Variants in POU6F2 observed in about 807,000 individuals in gnomAD.
POU6F2 encodes the protein POU domain, class 6, transcription factor 2.
In POU6F2, 31 loss-of-function variants were observed where a neutral mutation model predicts 71.3. The ratio of observed to expected loss-of-function variants is 0.43; its 90% CI spans 0.33 to 0.59. The LOEUF (loss-of-function observed/expected upper bound fraction) is 0.59, where lower values mean the gene tolerates loss of function less well. Among genes scored for constraint, POU6F2 ranks in the 20% least tolerant of loss-of-function variants. The pLI, the probability that POU6F2 is intolerant of heterozygous loss-of-function variation, is 0.04. For missense variants in POU6F2, 783 were observed against 856.8 expected, an observed-to-expected ratio of 0.91 and a Z score of 1.07; for synonymous variants, 347 against 355.7, an observed-to-expected ratio of 0.98 and a Z score of 0.27.
At chr7:39,282,375 G>A (rs543628941) in intron 4 of POU6F2, among the ~76,000 whole-genome samples, 4 of 152,186 alleles carry the variant, frequency 2.6e-5, no homozygotes, top group African/African-American at 9.6e-5. Context: ...CTAGACCAGT[G>A]TCATGAATCA....
chr7:39,206,675 T>C (rs943152449), intron 3 of POU6F2, among the ~76,000 whole-genome samples: 1 of 152,254 alleles, frequency 6.6e-6, no homozygotes, highest in African/African-American at 2.4e-5. Flanking sequence ...TTTTAATGAC[T>C]ATGCAATATT....
chr7:39,432,642 G>C (rs894047140), intron 6 of POU6F2, among the ~76,000 whole-genome samples: 1 of 152,008 alleles, frequency 6.6e-6, no homozygotes, highest in African/African-American at 2.4e-5. Context: ...GCAGAGGAAA[G>C]AATGTCAAAG....
rs572311428 is a variant in POU6F2, at chr7:39,075,912, C to T, written c.106-9948C>T. On this transcript the variant is annotated intron_variant, in intron 1 of 9. Coordinates refer to ENST00000518318, the MANE Select transcript of POU6F2 (RefSeq NM_001370959.1). ...TGGGGGAAAATGAGACTTTCCTTTTCCTTTCCAGTGTAGCTATGACATTCT... is the reference window on the plus strand; with the variant it reads ...TGGGGGAAAATGAGACTTTCCTTTTTCTTTCCAGTGTAGCTATGACATTCT... Among the ~76,000 whole-genome samples the T allele has an allele frequency of 4.3e-4, 65 of 152,326 alleles. 1 individual carries two copies. Among genetic ancestry groups the T allele is most frequent in the Middle Eastern group, 6.8e-3 (2 of 294 alleles).
In POU6F2 at chr7:39,422,903, C is replaced by G. The variant is rs114838106; in HGVS notation, c.1114-10174C>G. Among the ~76,000 whole-genome samples, 615 of 152,276 alleles carry G rather than the reference C, an allele frequency of 4.0e-3. 7 individuals are homozygous for G. The highest frequency in any genetic ancestry group is 0.014 in the African/African-American group (581 of 41,536). On this transcript the variant is annotated intron_variant, in intron 6 of 9. Transcript: ENST00000518318. ...AATAGACAGATATTTCTCGGACTCT[C>G]AAGATCTAGAAAACTGCCTGACAGT...
chr7:39,358,840 G>A (rs1236200080), intron 5 of POU6F2, among the ~76,000 whole-genome samples: 1 of 140,872 alleles, frequency 7.1e-6, no homozygotes, highest in Non-Finnish European at 1.5e-5. Context: ...CCTGAGAATA[G>A]GACAAAAGAA....
intron 1 of POU6F2, among the ~76,000 whole-genome samples, chr7:39,053,448 T>G (rs1205966303): frequency 6.6e-6 from 1 of 152,110 alleles, no homozygotes; most frequent in East Asian, 1.9e-4. Context: ...ACTTTTCTCT[T>G]TTTTCATACA....
At position 39,019,588 on chromosome 7, in the gene POU6F2, G is replaced by A. The variant is rs376193199; in HGVS notation, c.105+41530G>A. Among the ~76,000 whole-genome samples, 91 of 151,486 alleles carry A rather than the reference G, an allele frequency of 6.0e-4. 2 individuals carry two copies. The South Asian group carries it at 0.018, about 30-fold the overall frequency. On this transcript the variant is annotated intron_variant, in intron 1 of 9. Coordinates refer to ENST00000518318, the MANE Select transcript of POU6F2 (RefSeq NM_001370959.1). ...CTACCTCTTTCTAGAGCTACTAGGA[G>A]ACAGATGTTGGCCTTCCTGGATTGA...
chr7:39,268,861 T>C (rs543172355), intron 4 of POU6F2, among the ~76,000 whole-genome samples: 2 of 152,330 alleles, frequency 1.3e-5, no homozygotes, highest in Admixed American at 1.3e-4. Flanking sequence ...CTGAGAGTTT[T>C]CACCACTTTA....
At chr7:39,199,499 A>T (rs60193438) in intron 2 of POU6F2, among the ~76,000 whole-genome samples, 44,134 of 142,868 alleles carry the variant, frequency 0.31, 6,844 homozygotes, top group East Asian at 0.72. Flanking sequence ...ATTTTTTTTT[A>T]AAAGAATTGG....
intron 4 of POU6F2, among the ~76,000 whole-genome samples, chr7:39,239,274 T>C (rs1461008377): frequency 1.3e-5 from 2 of 152,118 alleles, no homozygotes. Flanking sequence ...GTTTCCTCAA[T>C]GTAGAATGGC....
At chr7:39,105,570 T>A (rs1316650167) in intron 2 of POU6F2, among the ~76,000 whole-genome samples, 1 of 152,172 alleles carries the variant, frequency 6.6e-6, no homozygotes, top group Non-Finnish European at 1.5e-5. Flanking sequence ...ATAAGTATTC[T>A]TGGTGCTTTA....
intron 4 of POU6F2, among the ~76,000 whole-genome samples, chr7:39,269,836 A>G (rs1383245554): frequency 2.0e-5 from 3 of 152,150 alleles, no homozygotes; most frequent in African/African-American, 7.2e-5. Flanking sequence ...CATGGGCCAT[A>G]TTGACTGTAT....
chr7:39,411,309 G>C lies in POU6F2; in HGVS notation c.1113+4569G>C, dbSNP rs1001574419. Among the ~76,000 whole-genome samples, 5 of 152,232 alleles carry C rather than the reference G, an allele frequency of 3.3e-5. No homozygotes were observed. The East Asian group carries it at 7.7e-4, about 23-fold the overall frequency. ...TTTACTATCGATTTGTTCAGCTATAGAATTGGCTTCCCTGGTGCCCCTGGC... is the reference window on the plus strand; with the variant it reads ...TTTACTATCGATTTGTTCAGCTATACAATTGGCTTCCCTGGTGCCCCTGGC... On this transcript the variant is annotated intron_variant, in intron 6 of 9. Coordinates refer to ENST00000518318, the MANE Select transcript of POU6F2 (RefSeq NM_001370959.1).
intron 9 of POU6F2, among the ~76,000 whole-genome samples, chr7:39,461,753 G>A (rs1263596191): frequency 1.3e-5 from 2 of 152,114 alleles, no homozygotes; most frequent in Non-Finnish European, 2.9e-5. Context: ...AATACAAAAA[G>A]CACCATAGGA....
intron 4 of POU6F2, among the ~76,000 whole-genome samples, chr7:39,251,899 A>G (rs1341525069): frequency 6.6e-6 from 1 of 152,102 alleles, no homozygotes; most frequent in Non-Finnish European, 1.5e-5. Flanking sequence ...CCTACCCTGA[A>G]GTTTGATCAT....
At chr7:39,309,884 T>A (rs1035412364) in intron 4 of POU6F2, among the ~76,000 whole-genome samples, 6 of 152,208 alleles carry the variant, frequency 3.9e-5, no homozygotes, top group African/African-American at 1.4e-4. Context: ...TGCACATATA[T>A]GTGTCATTTT....
chr7:39,248,513 C>T (rs992926720), intron 4 of POU6F2, among the ~76,000 whole-genome samples: 2 of 152,102 alleles, frequency 1.3e-5, no homozygotes, highest in Non-Finnish European at 2.9e-5. Context: ...CTACAGCGGG[C>T]GCCCAGAGAT....
chr7:39,137,929 G>T (rs943865021), intron 2 of POU6F2, among the ~76,000 whole-genome samples: 2 of 152,284 alleles, frequency 1.3e-5, no homozygotes, highest in African/African-American at 4.8e-5. Context: ...CTACAGTCCT[G>T]TGAAGAGGCC....
At chr7:39,141,869 C>T (rs568827788) in intron 2 of POU6F2, among the ~76,000 whole-genome samples, 15 of 152,220 alleles carry the variant, frequency 9.9e-5, no homozygotes, top group African/African-American at 3.4e-4. Context: ...GAGCGGATCA[C>T]GAGGTCAGGA....
Sources: gnomAD v4.1 joint callset for allele counts (sites outside exome capture counted in the v4.1 genomes callset) on GRCh38, gnomAD v4.1.1 for gene constraint, MANE v1.5 for transcripts, NCBI Gene and HGNC (gene_info 2026-07-23, HGNC 2026-07-21) for gene names.